The following MRPS22 variants were observed in gnomAD, a reference collection of about 807,000 sequenced individuals.
MRPS22 encodes the protein mitochondrial ribosomal protein S22.
A neutral mutation model predicts 44.0 loss-of-function variants in MRPS22; 30 were observed. The ratio of observed to expected loss-of-function variants is 0.68; its 90% confidence interval spans 0.51 to 0.93. The LOEUF is 0.93. Among genes scored for constraint, MRPS22 ranks in the 40% least tolerant of loss-of-function variants. MRPS22 has a pLI of 0.00. For missense variants in MRPS22, 447 were observed against 447.8 expected (o/e 1.00, Z 0.02); for synonymous variants, 165 against 154.4 (o/e 1.07, Z -0.51).
At chr3:139,350,550 C>A in intron 4 of MRPS22, 1 of 515,014 alleles carries the variant, frequency 1.9e-6, no homozygotes, top group Admixed American at 3.3e-5. Flanking sequence ...GCCTCAGCCT[C>A]ATGAGTAGCT....
At chr3:139,351,633 CATAGGG>C (rs1417622719) in intron 5 of MRPS22, 1 of 165,862 alleles carries the variant, frequency 6.0e-6, no homozygotes, top group African/African-American at 2.4e-5. Flanking sequence ...AGAAAGCCTT[CATAGGG>C]GTGTAAAGGA....
In MRPS22 at chr3:139,348,306, A is replaced by G. The variant is rs1281507943; in HGVS notation, c.486A>G (p.Ser162=). The G allele has an allele frequency of 4.3e-6, 7 of 1,614,042 alleles. No individual in the cohort carries two copies. The South Asian group carries it at 5.5e-5, about 13-fold the overall frequency. The change falls in exon 3 of 8, where the codon TCA becomes TCG. Residue 162 remains serine (S), a synonymous_variant. Transcript: ENST00000680020. ...ETTKYVFTDI[S]YSIPHRERFI... ...CCAAATATGTGTTTACTGATATATCATATAGCATACCACACCGGGTGAGTA... is the reference window on the plus strand; with the variant it reads ...CCAAATATGTGTTTACTGATATATCGTATAGCATACCACACCGGGTGAGTA...
intron 3 of MRPS22, 190 bp downstream of exon 3, chr3:139,348,514 C>A: frequency 1.6e-6 from 1 of 618,232 alleles, no homozygotes. Context: ...ATGGTGTTAC[C>A]ATTTCTCAGC....
intron 2 of MRPS22, 86 bp from the exon 3 acceptor site, chr3:139,348,074 A>C: frequency 2.8e-6 from 4 of 1,423,800 alleles, no homozygotes; most frequent in Non-Finnish European, 2.9e-6. Flanking sequence ...AGGTTTTTGC[A>C]TTTTTTATTA....
At chr3:139,346,372 A>G (rs752440258) in intron 1 of MRPS22, among the ~76,000 whole-genome samples, 2 of 151,930 alleles carry the variant, frequency 1.3e-5, no homozygotes, top group Non-Finnish European at 2.9e-5. Context: ...CACACCTCCC[A>G]CTTATACCGA....
At chr3:139,350,920 G>C (rs1375220969) in intron 4 of MRPS22, 57 bp from the exon 5 acceptor site, 9 of 1,402,492 alleles carry the variant, frequency 6.4e-6, no homozygotes, top group Non-Finnish European at 6.1e-6. Flanking sequence ...ATGACATCAG[G>C]ACAGGTGCTG....
At position 139,357,120 on chromosome 3, in the gene MRPS22, G is replaced by GGGAGAACTACAAA; in HGVS notation, c.*106_*107insGGAGAACTACAAA. The GGGAGAACTACAAA allele has an allele frequency of 3.1e-6, 3 of 969,272 alleles. No homozygotes were observed. Among genetic ancestry groups the GGGAGAACTACAAA allele is most frequent in the Non-Finnish European group, 4.8e-6 (3 of 630,100 alleles). 60.0% of individuals were successfully genotyped at this position (969,272 alleles called of 1,614,324 possible). ...CCAGATTAAAAGATATCAATTTGTAGTTCTCCCTACAAAGCAAAAATTATT... is the reference window on the plus strand; with the variant it reads ...CCAGATTAAAAGATATCAATTTGTAGGGAGAACTACAAATTCTCCCTACAAAGCAAAAATTATT... On this transcript the variant is annotated 3_prime_UTR_variant, in exon 8 of 8. Coordinates refer to ENST00000680020, the MANE Select transcript of MRPS22 (RefSeq NM_020191.4).
At chr3:139,356,544 C>T (rs17335312) in intron 7 of MRPS22, among the ~76,000 whole-genome samples, 11,501 of 152,168 alleles carry the variant, frequency 0.076, 493 homozygotes, top group Middle Eastern at 0.13. Flanking sequence ...CCTGATAAAG[C>T]GCAATGTTTT....
chr3:139,350,909 C>A, intron 4 of MRPS22, 68 bp from the exon 5 acceptor site: 2 of 1,292,096 alleles, frequency 1.5e-6, no homozygotes, highest in South Asian at 1.2e-5. Context: ...GCAGGCCTGT[C>A]ATGACATCAG....
At chr3:139,355,254 G>T (rs922324743) in intron 6 of MRPS22, among the ~76,000 whole-genome samples, 1 of 152,124 alleles carries the variant, frequency 6.6e-6, no homozygotes, top group Non-Finnish European at 1.5e-5. Flanking sequence ...AGATCCCTGT[G>T]ACCACCACCC....
At position 139,355,685 on chromosome 3, in the gene MRPS22, C is replaced by T. The variant is rs763912540; in HGVS notation, c.882C>T (p.Ile294=). ...LLIDQIQRDL[I]DDATNLVQLY... is the part of the protein sequence containing the mutation. ...CATTAAACCCTTTCATTCTCAGAATCGATGATGCAACCAACTTGGTCCAGC... is the reference window on the plus strand; with the variant it reads ...CATTAAACCCTTTCATTCTCAGAATTGATGATGCAACCAACTTGGTCCAGC... Residue 294 remains isoleucine (I), a synonymous_variant, in exon 7 of 8, where the codon ATC becomes ATT. Coordinates refer to ENST00000680020, the MANE Select transcript of MRPS22 (RefSeq NM_020191.4). 1.9e-6 allele frequency: 3 copies of T among 1,613,330 alleles called. No individual in the cohort carries two copies. The highest frequency in any genetic ancestry group is 1.7e-4 in the Middle Eastern group (1 of 6,058).
chr3:139,344,065 C>G lies in MRPS22; in HGVS notation c.39C>G (p.Leu13=), dbSNP rs756111308. 6.2e-7 allele frequency: 1 copy of G among 1,614,210 alleles called. No homozygotes were observed. The highest frequency in any genetic ancestry group is 1.7e-5 in the Admixed American group (1 of 60,034). ...PLGTTVLLWS[L]LRSSPGVERV... ...GAACAACTGTATTGCTGTGGAGCCT[C>G]TTGAGGAGTTCTCCGGGCGTGGAAC... Residue 13 remains leucine (L), a synonymous_variant, in exon 1 of 8, where the codon CTC becomes CTG. Transcript: ENST00000680020.
At chr3:139,345,452 T>TGC (rs1941023332) in intron 1 of MRPS22, among the ~76,000 whole-genome samples, 1 of 132,196 alleles carries the variant, frequency 7.6e-6, no homozygotes, top group Admixed American at 8.3e-5. Flanking sequence ...TTTTTTTTGT[T>TGC]TTTTTTTTTT....
At chr3:139,347,600 C>T (rs1017924745) in intron 2 of MRPS22, among the ~76,000 whole-genome samples, 6 of 152,216 alleles carry the variant, frequency 3.9e-5, no homozygotes, top group African/African-American at 1.4e-4. Context: ...CATCTTTTCA[C>T]CTCCTAGAGG....
intron 3 of MRPS22, chr3:139,349,549 A>T (rs941639504): frequency 2.4e-5 from 5 of 211,556 alleles, no homozygotes; most frequent in Non-Finnish European, 4.8e-5. Context: ...TATCTGAGGG[A>T]TGCCAAAAAT....
chr3:139,344,491 A>G, intron 1 of MRPS22: 2 of 611,338 alleles, frequency 3.3e-6, no homozygotes, highest in Admixed American at 2.8e-5. Flanking sequence ...ACTCATGTCC[A>G]TGGGGAATTG....
At chr3:139,344,871 C>T (rs1469536847) in intron 1 of MRPS22, among the ~76,000 whole-genome samples, 1 of 151,616 alleles carries the variant, frequency 6.6e-6, no homozygotes. Flanking sequence ...ATTTTGGGGG[C>T]GGGGGTAGTG....
chr3:139,347,593 C>T (rs1421821358), intron 2 of MRPS22, among the ~76,000 whole-genome samples: 1 of 152,198 alleles, frequency 6.6e-6, no homozygotes, highest in African/African-American at 2.4e-5. Flanking sequence ...AAAAGTCCAT[C>T]TTTTCACCTC....
Position 139,350,064 on chromosome 3 carries a change from A to G in MRPS22, c.505-115A>G. 5 of 1,232,346 alleles carry G rather than the reference A, an allele frequency of 4.1e-6. 1 individual carries two copies. The highest frequency in any genetic ancestry group is 2.5e-5 in the South Asian group (2 of 79,298). The allele number at this position is 1,232,346 out of a possible 1,614,324, so 76.3% of individuals were successfully genotyped here. On this transcript the variant is annotated intron_variant, in intron 3 of 7. Transcript: ENST00000680020. ...TAAAATTATCATTGATCTCATATGC[A>G]TGATTGCATTTTATATTGTTGATTG...
Sources: gnomAD v4.1 joint callset for allele counts (sites outside exome capture counted in the v4.1 genomes callset) on GRCh38, gnomAD v4.1.1 for gene constraint, MANE v1.5 for transcripts, NCBI Gene and HGNC (gene_info 2026-07-23, HGNC 2026-07-21) for gene names.